The following TAFA1 variants were observed in gnomAD, a reference collection of about 807,000 sequenced individuals.
TAFA1 encodes the protein chemokine-like protein TAFA-1.
Under a neutral mutation model 18.5 loss-of-function variants are expected in TAFA1, and 4 were observed. The ratio of observed to expected loss-of-function variants is 0.22; its 90% CI spans 0.11 to 0.49. TAFA1 has a LOEUF of 0.49. Among genes scored for constraint, TAFA1 ranks in the 20% least tolerant of loss-of-function variants. The pLI is 0.98. For missense variants in TAFA1, 147 were observed against 169.0 expected (o/e 0.87, Z 0.72); for synonymous variants, 56 against 55.2 (o/e 1.01, Z -0.06).
intron 3 of TAFA1, among the ~76,000 whole-genome samples, chr3:68,519,846 T>C (rs1434411472): frequency 6.6e-6 from 1 of 152,228 alleles, no homozygotes; most frequent in Non-Finnish European, 1.5e-5. Flanking sequence ...AACACCATCA[T>C]GTTGCAGGTT....
At chr3:68,203,097 T>C (rs2066486455) in intron 2 of TAFA1, among the ~76,000 whole-genome samples, 1 of 151,802 alleles carries the variant, frequency 6.6e-6, no homozygotes, top group Non-Finnish European at 1.5e-5. Context: ...GTTTTTTCTT[T>C]CAACCCTTCA....
At chr3:68,451,491 A>T (rs2071565854) in intron 3 of TAFA1, among the ~76,000 whole-genome samples, 1 of 152,206 alleles carries the variant, frequency 6.6e-6, no homozygotes, top group Admixed American at 6.5e-5. Context: ...GATGGTGCTG[A>T]AGACAGTCCT....
At chr3:68,151,216 A>G (rs17047216) in intron 2 of TAFA1, among the ~76,000 whole-genome samples, 6,914 of 152,256 alleles carry the variant, frequency 0.045, 187 homozygotes, top group East Asian at 0.091. Flanking sequence ...ATATTTTGTA[A>G]TACTATGCCA....
chr3:68,368,284 A>G lies in TAFA1; in HGVS notation c.119-48996A>G, dbSNP rs189570399. Among the ~76,000 whole-genome samples the G allele has an allele frequency of 3.1e-4, 47 of 152,342 alleles. No homozygotes were observed. In the East Asian group the frequency reaches 9.1e-3, roughly 29 times the overall value. On this transcript the variant is annotated intron_variant, in intron 2 of 4. Coordinates refer to ENST00000478136, the MANE Select transcript of TAFA1 (RefSeq NM_213609.4). ...CCCAATACATTAATGTTAGATTAAT[A>G]TATGTTTTCTCTGGTTAGTTTTTAA...
chr3:68,371,606 T>G (rs2106818864), intron 2 of TAFA1, among the ~76,000 whole-genome samples: 1 of 152,332 alleles, frequency 6.6e-6, no homozygotes, highest in South Asian at 2.1e-4. Flanking sequence ...TGTGCCACAT[T>G]TTCTTTATCC....
At chr3:68,363,539 G>A (rs1425940976) in intron 2 of TAFA1, among the ~76,000 whole-genome samples, 1 of 152,106 alleles carries the variant, frequency 6.6e-6, no homozygotes, top group Non-Finnish European at 1.5e-5. Flanking sequence ...CGAAAGACAA[G>A]CTTTTGATCT....
At chr3:68,370,330 A>G (rs2069661755) in intron 2 of TAFA1, among the ~76,000 whole-genome samples, 1 of 62,968 alleles carries the variant, frequency 1.6e-5, no homozygotes, top group Non-Finnish European at 2.8e-5. Context: ...AAATATATAT[A>G]TATATATATA....
At chr3:68,416,790 C>A (rs1366071981) in intron 2 of TAFA1, among the ~76,000 whole-genome samples, 1 of 152,066 alleles carries the variant, frequency 6.6e-6, no homozygotes, top group East Asian at 1.9e-4. Flanking sequence ...AAATATGTCC[C>A]GAATAGATTT....
At chr3:68,233,543 C>T (rs896388132) in intron 2 of TAFA1, among the ~76,000 whole-genome samples, 2 of 152,104 alleles carry the variant, frequency 1.3e-5, no homozygotes, top group African/African-American at 4.8e-5. Flanking sequence ...GCTTTGAAGT[C>T]AGGTCGTGTG....
intron 2 of TAFA1, among the ~76,000 whole-genome samples, chr3:68,152,036 A>G (rs2065812610): frequency 6.6e-6 from 1 of 152,186 alleles, no homozygotes. Flanking sequence ...AAAGCCCTCT[A>G]TGATGGCATT....
chr3:68,482,973 C>A (rs1422587212), intron 3 of TAFA1, among the ~76,000 whole-genome samples: 1 of 152,224 alleles, frequency 6.6e-6, no homozygotes, highest in Non-Finnish European at 1.5e-5. Flanking sequence ...AATTCAACTT[C>A]TTTCTTAAGC....
chr3:68,020,559 T>C (rs941949773), intron 2 of TAFA1, among the ~76,000 whole-genome samples: 5 of 152,166 alleles, frequency 3.3e-5, no homozygotes, highest in Non-Finnish European at 7.3e-5. Flanking sequence ...TTTATGTAAA[T>C]ATGTGAATGT....
chr3:68,048,821 A>G (rs1559716690), intron 2 of TAFA1, among the ~76,000 whole-genome samples: 2 of 152,098 alleles, frequency 1.3e-5, no homozygotes, highest in Non-Finnish European at 2.9e-5. Context: ...ATAGTACTCT[A>G]TTGTGCGTAT....
chr3:68,119,553 A>C (rs984238078), intron 2 of TAFA1, among the ~76,000 whole-genome samples: 4 of 147,896 alleles, frequency 2.7e-5, no homozygotes, highest in Admixed American at 6.8e-5. Flanking sequence ...TATATGGTAT[A>C]TGGTAAGTGT....
intron 2 of TAFA1, among the ~76,000 whole-genome samples, chr3:68,221,434 A>C (rs1195854411): frequency 6.6e-6 from 1 of 152,202 alleles, no homozygotes; most frequent in Non-Finnish European, 1.5e-5. Flanking sequence ...GAGAAATACA[A>C]CAACTTAGAT....
chr3:68,523,772 T>G (rs1019150014), intron 3 of TAFA1, among the ~76,000 whole-genome samples: 2 of 152,230 alleles, frequency 1.3e-5, no homozygotes, highest in African/African-American at 4.8e-5. Context: ...TTGCATGTAC[T>G]CTTGCTTCCC....
At chr3:68,376,558 C>T (rs556813886) in intron 2 of TAFA1, among the ~76,000 whole-genome samples, 1 of 152,284 alleles carries the variant, frequency 6.6e-6, no homozygotes, top group East Asian at 1.9e-4. Context: ...CCTCCAACTC[C>T]ATCCATGTCG....
chr3:68,441,230 A>G (rs2071373277), intron 3 of TAFA1, among the ~76,000 whole-genome samples: 1 of 152,164 alleles, frequency 6.6e-6, no homozygotes, highest in Non-Finnish European at 1.5e-5. Context: ...CCAGAACAAG[A>G]GAAGGCTCTG....
intron 2 of TAFA1, among the ~76,000 whole-genome samples, chr3:68,081,360 C>T (rs1322494881): frequency 6.6e-6 from 1 of 152,094 alleles, no homozygotes. Flanking sequence ...TGGTGAGGAC[C>T]TGCGTTCCTT....
Sources: allele counts gnomAD v4.1 joint callset (sites outside exome capture counted in the v4.1 genomes callset), GRCh38; gene constraint gnomAD v4.1.1; transcripts MANE v1.5; gene names NCBI Gene and HGNC (gene_info 2026-07-23, HGNC 2026-07-21).